The following CEP128 variants were observed in gnomAD, a reference collection of about 807,000 sequenced individuals.
CEP128 encodes the protein centrosomal protein 128kDa.
A neutral mutation model predicts 156.7 loss-of-function variants in CEP128; 132 were observed. That is an observed-to-expected ratio of 0.84 (90% CI 0.73 to 0.97). CEP128 has a LOEUF of 0.97. CEP128 is among the 50% of genes least tolerant of loss of function. CEP128 has a pLI of 0.00. For synonymous variants in CEP128, 469 were observed against 448.9 expected (o/e 1.04, Z -0.57); for missense variants, 1,252 against 1,281.9 (o/e 0.98, Z 0.36).
chr14:80,656,362 A>AATT (rs1895174622), intron 19 of CEP128, among the ~76,000 whole-genome samples: 1 of 125,052 alleles, frequency 8.0e-6, no homozygotes, highest in Admixed American at 8.7e-5. Flanking sequence ...AAAAACAACT[A>AATT]ATTCAAGCGA....
At chr14:80,485,371 T>TC (rs5809995) in intron 14 of CEP128, among the ~76,000 whole-genome samples, 73,099 of 151,820 alleles carry the variant, frequency 0.48, 18,750 homozygotes, top group East Asian at 0.69. Context: ...AACTTTTAGA[T>TC]CCTCTTCCTT....
chr14:80,500,841 A>G (rs1302467470), intron 24 of CEP128, among the ~76,000 whole-genome samples: 2 of 152,240 alleles, frequency 1.3e-5, no homozygotes. Flanking sequence ...ATGACTGTTT[A>G]CATTATTATG....
chr14:80,563,872 G>GA (rs1421388714), intron 20 of CEP128, among the ~76,000 whole-genome samples: 2 of 151,886 alleles, frequency 1.3e-5, no homozygotes, highest in African/African-American at 4.8e-5. Flanking sequence ...CCTAAAATAA[G>GA]ACATAAGAAT....
At chr14:80,531,884 C>G (rs1287214491) in intron 21 of CEP128, among the ~76,000 whole-genome samples, 1 of 152,074 alleles carries the variant, frequency 6.6e-6, no homozygotes. Flanking sequence ...TGGAATGAGA[C>G]AGTTGAACCT....
chr14:80,729,965 A>G (rs1336089652), intron 19 of CEP128, among the ~76,000 whole-genome samples: 2 of 152,168 alleles, frequency 1.3e-5, no homozygotes, highest in Non-Finnish European at 2.9e-5. Context: ...GAACAAAGAC[A>G]GAAATATTAA....
At position 80,784,883 on chromosome 14, in the gene CEP128, T is replaced by A. The variant is rs1469647530; in HGVS notation, c.2211+12A>T. ...TTCCTTCAGTATCATCAGGATAATT[T>A]AGCAGAGGTACCTTCAGAGTCCTGA... On this transcript the variant is annotated intron_variant, in intron 15 of 24. Transcript: ENST00000555265. The A allele has an allele frequency of 1.3e-6, 2 of 1,583,680 alleles. No individual in the cohort carries two copies. Among genetic ancestry groups the A allele is most frequent in the Non-Finnish European group, 1.7e-6 (2 of 1,166,160 alleles).
chr14:80,569,508 T>A (rs1595020440), intron 20 of CEP128, among the ~76,000 whole-genome samples: 1 of 152,184 alleles, frequency 6.6e-6, no homozygotes, highest in African/African-American at 2.4e-5. Context: ...CTGTGGATAA[T>A]GGAATGCTGA....
chr14:80,696,903 C>G (rs1896910989), intron 19 of CEP128, among the ~76,000 whole-genome samples: 1 of 151,786 alleles, frequency 6.6e-6, no homozygotes, highest in Non-Finnish European at 1.5e-5. Flanking sequence ...TGTGTTGTGA[C>G]AGAACAGACT....
At chr14:80,659,316 A>G (rs1027405229) in intron 19 of CEP128, among the ~76,000 whole-genome samples, 1 of 152,202 alleles carries the variant, frequency 6.6e-6, no homozygotes, top group Non-Finnish European at 1.5e-5. Flanking sequence ...CTCTGTCTCA[A>G]AATAATTTAT....
chr14:80,563,522 A>ATTT (rs1595010139), intron 20 of CEP128, among the ~76,000 whole-genome samples: 1 of 107,172 alleles, frequency 9.3e-6, no homozygotes, highest in African/African-American at 3.9e-5. Context: ...GGGCCTCCAA[A>ATTT]TCTTTTTTTT....
At chr14:80,576,624 C>CGTGTGTGTGT (rs753148123) in intron 20 of CEP128, among the ~76,000 whole-genome samples, 32 of 112,784 alleles carry the variant, frequency 2.8e-4, no homozygotes, top group Admixed American at 1.4e-3. Flanking sequence ...ATTACTCCGG[C>CGTGTGTGTGT]GTGTGTGTGT....
At chr14:80,859,275 T>C (rs1424948272) in intron 9 of CEP128, among the ~76,000 whole-genome samples, 1 of 149,912 alleles carries the variant, frequency 6.7e-6, no homozygotes, top group African/African-American at 2.5e-5. Context: ...GAAATCATCA[T>C]TCTCAGTAAA....
intron 18 of CEP128, among the ~76,000 whole-genome samples, chr14:80,755,180 A>G (rs1250671901): frequency 6.6e-6 from 1 of 152,160 alleles, no homozygotes; most frequent in Non-Finnish European, 1.5e-5. Flanking sequence ...TTTTTCTCCC[A>G]TGCTGGATGC....
chr14:80,613,073 C>T (rs1183606634), intron 19 of CEP128, among the ~76,000 whole-genome samples: 2 of 145,872 alleles, frequency 1.4e-5, no homozygotes, highest in African/African-American at 2.6e-5. Flanking sequence ...CCAGGCTGCT[C>T]TCGAACTCCT....
At chr14:80,536,317 T>C (rs946064471) in intron 21 of CEP128, among the ~76,000 whole-genome samples, 1 of 152,202 alleles carries the variant, frequency 6.6e-6, no homozygotes, top group Non-Finnish European at 1.5e-5. Flanking sequence ...CTTATTAACA[T>C]GTAACAACTA....
chr14:80,684,778 G>A (rs1232029283), intron 19 of CEP128, among the ~76,000 whole-genome samples: 1 of 149,500 alleles, frequency 6.7e-6, no homozygotes, highest in African/African-American at 2.5e-5. Flanking sequence ...TCATTCCTAG[G>A]ATACAAGGTT....
chr14:80,566,212 A>G (rs558518036), intron 20 of CEP128, among the ~76,000 whole-genome samples: 1 of 152,246 alleles, frequency 6.6e-6, no homozygotes, highest in Non-Finnish European at 1.5e-5. Flanking sequence ...TCCAAAGTCA[A>G]CTCTGTTTAA....
At chr14:80,942,724 T>G (rs7152740), upstream of CEP128, among the ~76,000 whole-genome samples, 10,044 of 152,116 alleles carry the variant, frequency 0.066, 1,104 homozygotes, top group African/African-American at 0.23. Flanking sequence ...TTTTTGTACA[T>G]TTTTATCTTT....
intron 19 of CEP128, among the ~76,000 whole-genome samples, chr14:80,729,058 G>GGGGTGTGTGTGTGTGTGTGTGT (rs1898141728): frequency 5.7e-5 from 6 of 105,056 alleles, no homozygotes; most frequent in African/African-American, 1.5e-4. Flanking sequence ...GGCTGGTGGG[G>GGGGTGTGTGTGTGTGTGTGTGT]GTGTGTGTGT....
Sources: allele counts gnomAD v4.1 joint callset (sites outside exome capture counted in the v4.1 genomes callset), GRCh38; gene constraint gnomAD v4.1.1; transcripts MANE v1.5; gene names NCBI Gene and HGNC (gene_info 2026-07-23, HGNC 2026-07-21).